The following LINGO2 variants were observed in gnomAD, a reference collection of about 807,000 sequenced individuals.
LINGO2 encodes the protein leucine rich repeat and Ig domain containing 2.
A neutral mutation model predicts 30.6 loss-of-function variants in LINGO2; 14 were observed. The ratio of observed to expected loss-of-function variants is 0.46; its 90% CI spans 0.30 to 0.72. The LOEUF (loss-of-function observed/expected upper bound fraction) is 0.72, where lower values mean the gene tolerates loss of function less well. Among genes scored for constraint, LINGO2 ranks in the 30% least tolerant of loss-of-function variants. The pLI is 0.07. For missense variants in LINGO2, 729 were observed against 751.7 expected (o/e 0.97, Z 0.35); for synonymous variants, 317 against 288.5 (o/e 1.10, Z -1.00).
At chr9:27,999,799 ATTAT>A (rs1377550482) in intron 5 of LINGO2, among the ~76,000 whole-genome samples, 1 of 152,154 alleles carries the variant, frequency 6.6e-6, no homozygotes, top group African/African-American at 2.4e-5. Flanking sequence ...CTAAATATAT[ATTAT>A]TTAACATAGA....
At chr9:28,631,966 A>G (rs1242211495) in intron 1 of LINGO2, among the ~76,000 whole-genome samples, 2 of 152,202 alleles carry the variant, frequency 1.3e-5, no homozygotes, top group African/African-American at 4.8e-5. Flanking sequence ...GAGTCTATAC[A>G]TTCCTAAAGA....
chr9:28,013,620 C>G (rs1009151578), intron 4 of LINGO2, among the ~76,000 whole-genome samples: 2 of 152,306 alleles, frequency 1.3e-5, no homozygotes, highest in Non-Finnish European at 2.9e-5. Flanking sequence ...GTAAGTAGCT[C>G]TACTTTTAGT....
the LINGO2 span, among the ~76,000 whole-genome samples, chr9:29,207,166 G>A: frequency 6.6e-6 from 1 of 151,552 alleles, no homozygotes; most frequent in South Asian, 2.1e-4. Context: ...TAAAGAAGAT[G>A]TGTTCATATG....
intron 2 of LINGO2, among the ~76,000 whole-genome samples, chr9:28,392,856 C>A (rs1310175404): frequency 3.3e-5 from 5 of 152,192 alleles, no homozygotes; most frequent in Non-Finnish European, 7.3e-5. Context: ...CCAGAAGCTG[C>A]AGACAAAGAT....
chr9:28,302,209 G>C (rs995422938), intron 3 of LINGO2, among the ~76,000 whole-genome samples: 4 of 152,172 alleles, frequency 2.6e-5, no homozygotes, highest in Non-Finnish European at 4.4e-5. Flanking sequence ...AAGGCAGACT[G>C]TGCCTAAAAT....
At chr9:28,486,525 A>G (rs938878331) in intron 1 of LINGO2, among the ~76,000 whole-genome samples, 1 of 152,184 alleles carries the variant, frequency 6.6e-6, no homozygotes, top group Non-Finnish European at 1.5e-5. Flanking sequence ...AAGTACACAT[A>G]CATACATATG....
chr9:29,169,116 T>C, the LINGO2 span, among the ~76,000 whole-genome samples: 4 of 152,004 alleles, frequency 2.6e-5, no homozygotes, highest in Non-Finnish European at 5.9e-5. Flanking sequence ...CCTGGCTAAT[T>C]TTTGTATTTT....
chr9:28,342,898 G>A (rs570471024), intron 3 of LINGO2, among the ~76,000 whole-genome samples: 40 of 151,944 alleles, frequency 2.6e-4, no homozygotes, highest in Admixed American at 1.7e-3. Context: ...AATTGGTCTC[G>A]CTGTTCCTGG....
chr9:28,776,866 T>A, the LINGO2 span, among the ~76,000 whole-genome samples: 1 of 152,006 alleles, frequency 6.6e-6, no homozygotes, highest in African/African-American at 2.4e-5. Flanking sequence ...AGACAGAAGT[T>A]ACTCCATAAT....
At chr9:28,049,359 A>AT (rs777134269) in intron 4 of LINGO2, among the ~76,000 whole-genome samples, 2 of 150,862 alleles carry the variant, frequency 1.3e-5, no homozygotes, top group Non-Finnish European at 2.9e-5. Flanking sequence ...GGGTTAGGCT[A>AT]TTTTAGAACC....
intron 1 of LINGO2, among the ~76,000 whole-genome samples, chr9:28,574,472 T>C (rs1823857263): frequency 6.6e-6 from 1 of 152,212 alleles, no homozygotes; most frequent in East Asian, 1.9e-4. Context: ...ATGTTGTCTA[T>C]GACACTAATG....
the LINGO2 span, among the ~76,000 whole-genome samples, chr9:29,127,449 T>C: frequency 3.0e-4 from 46 of 152,056 alleles, no homozygotes; most frequent in Admixed American, 1.4e-3. Context: ...AACTCTTTTC[T>C]CTCTCTGTCT....
intron 4 of LINGO2, among the ~76,000 whole-genome samples, chr9:28,042,130 C>G (rs1263966879): frequency 6.6e-6 from 1 of 152,160 alleles, no homozygotes; most frequent in Non-Finnish European, 1.5e-5. Context: ...AAGCTTAGTA[C>G]AATTACAAAT....
intron 1 of LINGO2, among the ~76,000 whole-genome samples, chr9:28,655,608 C>T (rs7857762): frequency 0.12 from 17,898 of 151,948 alleles, 1,216 homozygotes; most frequent in East Asian, 0.23. Context: ...CCATAATCCC[C>T]GCATGTTATG....
chr9:28,235,766 A>C (rs1821540095), intron 4 of LINGO2, among the ~76,000 whole-genome samples: 2 of 152,210 alleles, frequency 1.3e-5, no homozygotes, highest in Non-Finnish European at 2.9e-5. Context: ...GTTTGAAAAC[A>C]GGCTATTTGA....
At chr9:28,466,841 A>G (rs1006547027) in intron 2 of LINGO2, among the ~76,000 whole-genome samples, 3 of 152,226 alleles carry the variant, frequency 2.0e-5, no homozygotes, top group African/African-American at 7.2e-5. Flanking sequence ...AGGCATGAAT[A>G]AAATTATCCA....
chr9:28,711,640 G>C, the LINGO2 span, among the ~76,000 whole-genome samples: 2 of 152,236 alleles, frequency 1.3e-5, no homozygotes, highest in African/African-American at 4.8e-5. Context: ...GGTCAGAAGA[G>C]TGAGTTAGTA....
intron 4 of LINGO2, among the ~76,000 whole-genome samples, chr9:28,198,396 A>C (rs1820095551): frequency 6.6e-6 from 1 of 152,178 alleles, no homozygotes; most frequent in African/African-American, 2.4e-5. Flanking sequence ...ACTGTATAGG[A>C]AACTGTAGCA....
intron 1 of LINGO2, among the ~76,000 whole-genome samples, chr9:28,632,511 C>T (rs1826994025): frequency 6.7e-6 from 1 of 148,290 alleles, no homozygotes; most frequent in Non-Finnish European, 1.5e-5. Flanking sequence ...AGAACTAATT[C>T]TCTCTCTCTC....
Sources: allele counts gnomAD v4.1 joint callset (sites outside exome capture counted in the v4.1 genomes callset), GRCh38; gene constraint gnomAD v4.1.1; transcripts MANE v1.5; gene names NCBI Gene and HGNC (gene_info 2026-07-23, HGNC 2026-07-21).